SRGAP2: variants seen among roughly 807,000 people sequenced by gnomAD.
The protein encoded by SRGAP2 is SLIT-ROBO Rho GTPase activating protein 2.
Under a neutral mutation model 57.2 loss-of-function variants are expected in SRGAP2, and 15 were observed. The ratio of observed to expected loss-of-function variants is 0.26; its 90% CI spans 0.18 to 0.40. The LOEUF (loss-of-function observed/expected upper bound fraction) is 0.40. SRGAP2 is among the 10% of genes least tolerant of loss of function. SRGAP2 has a pLI of 1.00. For missense variants in SRGAP2, 520 were observed against 669.6 expected (o/e 0.78, Z 2.47); for synonymous variants, 249 against 248.0 (o/e 1.00, Z -0.04).
chr1:206,437,011 A>C lies in SRGAP2; in HGVS notation c.1602A>C (p.Glu534Asp). ...TCCGGGTGTCAGGATCCCAGGTGGA[A>C]GTGAATGACATCAAAAATGCCTTTG... is the stretch of plus-strand genomic sequence containing the variant. Reference protein sequence around the residue: ...GIFRVSGSQVEVNDIKNAFER... With the variant: ...GIFRVSGSQVDVNDIKNAFER... Residue 534 changes from glutamate (E) to aspartate (D), a missense_variant, in exon 15 of 23, where the codon GAA becomes GAC. By Grantham distance (45) the Glu-to-Asp change is conservative. Around this residue, in one of 5 missense-constraint regions of SRGAP2, gnomAD observed 478 missense variants for 373.6 expected, o/e 1.28. Transcript: ENST00000573034. 1 of 780,782 alleles carries C rather than the reference A, an allele frequency of 1.3e-6. No individual in the cohort carries two copies. The highest frequency in any genetic ancestry group is 2.4e-6 in the Non-Finnish European group (1 of 417,910). The allele number at this position is 780,782 out of a possible 1,614,324, so 48.4% of individuals were successfully genotyped here.
chr1:206,240,126 C>T (rs1553308828), intron 2 of SRGAP2, among the ~76,000 whole-genome samples: 3 of 151,970 alleles, frequency 2.0e-5, no homozygotes, highest in African/African-American at 4.8e-5. Context: ...ATTAGCTGGG[C>T]ATGGTGTTGG....
intron 2 of SRGAP2, among the ~76,000 whole-genome samples, chr1:206,269,496 A>G: frequency 9.6e-6 from 1 of 104,144 alleles, no homozygotes; most frequent in Non-Finnish European, 1.9e-5. Flanking sequence ...ATTTAAAAAT[A>G]TAAACTATTT....
At chr1:206,423,973 T>A (rs960159687) in intron 13 of SRGAP2, among the ~76,000 whole-genome samples, 4 of 143,636 alleles carry the variant, frequency 2.8e-5, no homozygotes, top group African/African-American at 5.4e-5. Flanking sequence ...TTTTTTTTTT[T>A]ATAGAGACTG....
At chr1:206,458,407 CAAGT>C (rs1553379174) in intron 21 of SRGAP2, 1 of 706,658 alleles carries the variant, frequency 1.4e-6, no homozygotes. Flanking sequence ...CCGTGACCAC[CAAGT>C]AAGTATCCAT....
chr1:206,353,475 C>T (rs1225741507), intron 4 of SRGAP2, among the ~76,000 whole-genome samples: 5 of 151,644 alleles, frequency 3.3e-5, no homozygotes, highest in Non-Finnish European at 5.9e-5. Context: ...GGTGAAACCC[C>T]GTCTCTACTA....
chr1:206,306,240 T>C (rs1180761193), intron 3 of SRGAP2, among the ~76,000 whole-genome samples: 2 of 151,472 alleles, frequency 1.3e-5, no homozygotes, highest in African/African-American at 4.9e-5. Flanking sequence ...TAAGGTGGTG[T>C]GTCTGGAGTC....
intron 2 of SRGAP2, among the ~76,000 whole-genome samples, chr1:206,229,833 G>A (rs1553306451): frequency 6.6e-6 from 1 of 151,414 alleles, no homozygotes; most frequent in East Asian, 1.9e-4. Flanking sequence ...AGATGAAGTG[G>A]TACATCACTT....
At chr1:206,213,590 G>A (rs1666450043) in intron 2 of SRGAP2, among the ~76,000 whole-genome samples, 1 of 151,676 alleles carries the variant, frequency 6.6e-6, no homozygotes, top group African/African-American at 2.4e-5. Flanking sequence ...TCATGGCCAT[G>A]TTAGGAGTGG....
chr1:206,327,631 AGGTCTGCT>A (rs1553330514), intron 3 of SRGAP2, among the ~76,000 whole-genome samples: 3 of 121,216 alleles, frequency 2.5e-5, no homozygotes. Flanking sequence ...TAGGCAGGGC[AGGTCTGCT>A]GTCCCTGCTT....
chr1:206,303,338 G>A lies in SRGAP2; in HGVS notation c.125G>A (p.Arg42Gln). 1 of 1,458,142 alleles carries A rather than the reference G, an allele frequency of 6.9e-7. No individual in the cohort carries two copies. The highest frequency in any genetic ancestry group is 9.3e-7 in the Non-Finnish European group (1 of 1,081,042). 90.3% of individuals were successfully genotyped at this position (1,458,142 alleles called of 1,614,324 possible). Residue 42 changes from arginine to glutamine, a missense_variant, in exon 3 of 23, where the codon CGG (arginine) becomes CAG (glutamine). This residue lies in a region of SRGAP2 where 26 missense variants were observed against 202.3 expected (regional missense o/e 0.13). Transcript: ENST00000573034. ...MKCLDQQCEL[R>Q]VQLLQDLQDF... ...TGCCTGGACCAGCAGTGTGAGCTTCGGGTGCAACTGTTGCAGGACCTCCAG... is the reference window on the plus strand; with the variant it reads ...TGCCTGGACCAGCAGTGTGAGCTTCAGGTGCAACTGTTGCAGGACCTCCAG...
intron 4 of SRGAP2, among the ~76,000 whole-genome samples, chr1:206,383,213 T>A (rs572770256): frequency 3.2e-4 from 47 of 149,026 alleles, no homozygotes; most frequent in African/African-American, 1.1e-3. Flanking sequence ...TTAGTAGAGA[T>A]GGGGTTTCAC....
At chr1:206,308,029 G>T (rs1398092558) in intron 3 of SRGAP2, among the ~76,000 whole-genome samples, 2 of 149,870 alleles carry the variant, frequency 1.3e-5, no homozygotes, top group African/African-American at 4.9e-5. Context: ...AATCTGAATT[G>T]TTCTAATTAA....
intron 2 of SRGAP2, among the ~76,000 whole-genome samples, chr1:206,240,378 A>G (rs1158652202): frequency 6.6e-6 from 1 of 152,018 alleles, no homozygotes; most frequent in African/African-American, 2.4e-5. Flanking sequence ...AGAATTTTGC[A>G]GTGCTTTTGA....
At chr1:206,435,386 G>C (rs1209555307) in intron 14 of SRGAP2, among the ~76,000 whole-genome samples, 1 of 152,216 alleles carries the variant, frequency 6.6e-6, no homozygotes, top group Non-Finnish European at 1.5e-5. Context: ...TGCCGTAACA[G>C]AGGGATTTTG....
intron 10 of SRGAP2, among the ~76,000 whole-genome samples, chr1:206,414,119 C>T (rs1195996582): frequency 2.0e-5 from 3 of 151,134 alleles, no homozygotes; most frequent in Admixed American, 6.6e-5. Context: ...GCAAGCTCCG[C>T]CTCCCAGGTT....
intron 2 of SRGAP2, among the ~76,000 whole-genome samples, chr1:206,266,011 A>G (rs1669819737): frequency 6.6e-6 from 1 of 151,950 alleles, no homozygotes; most frequent in Non-Finnish European, 1.5e-5. Flanking sequence ...AATAGAATCT[A>G]AGAATGTTTG....
chr1:206,419,243 T>A, intron 11 of SRGAP2, 130 bp from the exon 12 acceptor site: 1 of 673,984 alleles, frequency 1.5e-6, no homozygotes, highest in Non-Finnish European at 2.8e-6. Context: ...CTCTCTCTCC[T>A]CTCTTTTGCC....
chr1:206,431,672 G>T (rs144549523), intron 14 of SRGAP2, among the ~76,000 whole-genome samples: 107 of 152,336 alleles, frequency 7.0e-4, no homozygotes, highest in Non-Finnish European at 1.2e-3. Flanking sequence ...CTGAAAGGTG[G>T]ATAAGCAAAT....
chr1:206,357,136 C>G (rs1214397628), intron 4 of SRGAP2, among the ~76,000 whole-genome samples: 1 of 145,948 alleles, frequency 6.9e-6, no homozygotes, highest in Non-Finnish European at 1.5e-5. Flanking sequence ...GAAGTAACAT[C>G]TTCTATTTTT....
Sources: allele counts gnomAD v4.1 joint callset (sites outside exome capture counted in the v4.1 genomes callset), GRCh38; gene constraint gnomAD v4.1.1; regional missense constraint gnomAD v4.1.1; transcripts MANE v1.5; gene names NCBI Gene and HGNC (gene_info 2026-07-23, HGNC 2026-07-21).